RARB: variants seen among roughly 807,000 people sequenced by gnomAD.
RARB encodes HBV-activated protein.
Under a neutral mutation model 51.9 loss-of-function variants are expected in RARB, and 17 were observed. The observed-to-expected ratio is 0.33, with a 90% confidence interval of 0.22 to 0.49. The LOEUF is 0.49. RARB is among the 20% of genes least tolerant of loss of function. The pLI, the probability that RARB is intolerant of heterozygous loss-of-function variation, is 0.99. For synonymous variants in RARB, 215 were observed against 195.4 expected (o/e 1.10, Z -0.84); for missense variants, 369 against 550.8 (o/e 0.67, Z 3.30).
intron 5 of RARB, among the ~76,000 whole-genome samples, chr3:25,402,422 C>G (rs1293273630): frequency 6.6e-6 from 1 of 152,124 alleles, no homozygotes. Flanking sequence ...AAAAATTGAG[C>G]TACCATGTGA....
chr3:24,851,049 TAGCTTAGAGAA>T (rs1159457600), intron 1 of RARB, among the ~76,000 whole-genome samples: 2 of 152,108 alleles, frequency 1.3e-5, no homozygotes, highest in African/African-American at 4.8e-5. Context: ...AGGGAAGAAT[TAGCTTAGAGAA>T]AGCAGAATGG....
At chr3:24,967,729 C>G (rs1380253412) in intron 2 of RARB, among the ~76,000 whole-genome samples, 1 of 152,132 alleles carries the variant, frequency 6.6e-6, no homozygotes. Context: ...AATTTGGATT[C>G]ATCATCTTTG....
At chr3:25,219,411 G>T (rs898989998) in intron 5 of RARB, among the ~76,000 whole-genome samples, 2 of 152,206 alleles carry the variant, frequency 1.3e-5, no homozygotes, top group African/African-American at 4.8e-5. Context: ...ATGGCTCTGA[G>T]TTCCTGCGCT....
intron 3 of RARB, among the ~76,000 whole-genome samples, chr3:25,128,380 A>G (rs1483149153): frequency 1.3e-5 from 2 of 150,118 alleles, no homozygotes; most frequent in Non-Finnish European, 1.5e-5. Context: ...ATGAAATTAT[A>G]TATTTCTATA....
intron 2 of RARB, among the ~76,000 whole-genome samples, chr3:24,902,530 A>C (rs1703629931): frequency 6.6e-6 from 1 of 152,182 alleles, no homozygotes; most frequent in Non-Finnish European, 1.5e-5. Flanking sequence ...AGGATGATAA[A>C]AACGGGTAAT....
chr3:25,208,262 C>T (rs548805687), intron 5 of RARB, among the ~76,000 whole-genome samples: 26 of 152,182 alleles, frequency 1.7e-4, no homozygotes, highest in East Asian at 5.8e-4. Context: ...CTGAATGAGA[C>T]GCTAAGGATC....
chr3:25,040,197 A>G (rs1490308196), intron 2 of RARB, among the ~76,000 whole-genome samples: 1 of 152,168 alleles, frequency 6.6e-6, no homozygotes, highest in Non-Finnish European at 1.5e-5. Context: ...TTGGGGAACA[A>G]ATTATTTAGT....
chr3:24,831,905 T>C (rs1218539046), intron 1 of RARB, among the ~76,000 whole-genome samples: 1 of 152,208 alleles, frequency 6.6e-6, no homozygotes, highest in Non-Finnish European at 1.5e-5. Context: ...TTAATCTGAA[T>C]AACTATTTTT....
At chr3:25,545,603 A>T (rs1699587056) in intron 3 of RARB, among the ~76,000 whole-genome samples, 1 of 152,100 alleles carries the variant, frequency 6.6e-6, no homozygotes, top group Non-Finnish European at 1.5e-5. Flanking sequence ...GTAGCGGGTA[A>T]AGCCTTGGGG....
At chr3:25,386,257 G>C (rs1384255014) in intron 5 of RARB, among the ~76,000 whole-genome samples, 1 of 152,116 alleles carries the variant, frequency 6.6e-6, no homozygotes, top group Non-Finnish European at 1.5e-5. Flanking sequence ...AAGTGGAAAG[G>C]GAAGGGTGGG....
chr3:25,545,771 T>G (rs1036504813), intron 3 of RARB, among the ~76,000 whole-genome samples: 1 of 152,058 alleles, frequency 6.6e-6, no homozygotes, highest in Non-Finnish European at 1.5e-5. Context: ...GACAACAATT[T>G]ATGAAAGGCT....
chr3:24,898,371 T>A (rs1703524196), intron 2 of RARB, among the ~76,000 whole-genome samples: 1 of 150,676 alleles, frequency 6.6e-6, no homozygotes, highest in Non-Finnish European at 1.5e-5. Flanking sequence ...AAATGATTTA[T>A]ATATAACAAA....
intron 5 of RARB, among the ~76,000 whole-genome samples, chr3:25,270,153 G>C (rs970823177): frequency 1.3e-5 from 2 of 152,040 alleles, no homozygotes; most frequent in African/African-American, 4.8e-5. Flanking sequence ...TTCACTTATG[G>C]GTGTTAACTA....
chr3:25,046,564 C>A (rs1384821677), intron 2 of RARB, among the ~76,000 whole-genome samples: 1 of 152,074 alleles, frequency 6.6e-6, no homozygotes, highest in Non-Finnish European at 1.5e-5. Context: ...GTGATTCTCC[C>A]ACCTTAGCCT....
At chr3:25,209,563 C>T (rs1482593303) in intron 5 of RARB, among the ~76,000 whole-genome samples, 1 of 152,146 alleles carries the variant, frequency 6.6e-6, no homozygotes, top group South Asian at 2.1e-4. Flanking sequence ...GGGAGGCAGA[C>T]CCATGGATAC....
At position 24,889,675 on chromosome 3, in the gene RARB, AGTGTGTGTGTGT is replaced by A. The variant is rs71057686; in HGVS notation, c.-380+30946_-380+30957del. On this transcript the variant is annotated intron_variant, in intron 2 of 11. Coordinates refer to the RARB transcript ENST00000383772. ...ACAAATGTATTGAATCACCTCTTAAAGTGTGTGTGTGTGTGTGTGTGTGTGTGTGTGTGTACA... is the reference window on the plus strand; with the variant it reads ...ACAAATGTATTGAATCACCTCTTAAAGTGTGTGTGTGTGTGTGTGTGTACA... Among the ~76,000 whole-genome samples the A allele has an allele frequency of 1.8e-3, 262 of 142,956 alleles. 2 individuals are homozygous for A. Among genetic ancestry groups the A allele is most frequent in the African/African-American group, 5.8e-3 (228 of 39,110 alleles). The allele number at this position is 142,956 out of a possible 152,430, so 93.8% of individuals were successfully genotyped here. A position where few individuals can be genotyped will look rare whatever the true frequency, so the allele number is the denominator to read the frequency against.
At chr3:25,586,349 C>G (rs1163473307) in intron 5 of RARB, among the ~76,000 whole-genome samples, 2 of 152,124 alleles carry the variant, frequency 1.3e-5, no homozygotes, top group Non-Finnish European at 1.5e-5. Context: ...AAGCTTCTCC[C>G]CCAGTCTGTT....
chr3:24,885,576 C>T (rs1004692639), intron 2 of RARB, among the ~76,000 whole-genome samples: 7 of 152,100 alleles, frequency 4.6e-5, no homozygotes, highest in Non-Finnish European at 8.8e-5. Flanking sequence ...CTCTAAATCA[C>T]TAACGTCAAA....
intron 5 of RARB, among the ~76,000 whole-genome samples, chr3:25,399,857 C>T (rs1394218645): frequency 6.6e-6 from 1 of 152,174 alleles, no homozygotes; most frequent in African/African-American, 2.4e-5. Flanking sequence ...CTCTGGGTCT[C>T]CCACCACGAA....
Sources: gnomAD v4.1 joint callset for allele counts (sites outside exome capture counted in the v4.1 genomes callset) on GRCh38, gnomAD v4.1.1 for gene constraint, MANE v1.5 for transcripts, NCBI Gene and HGNC (gene_info 2026-07-23, HGNC 2026-07-21) for gene names.